The following TANK variants were observed in gnomAD, a reference collection of about 807,000 sequenced individuals.
The protein encoded by TANK is TRAF family member associated NFKB activator.
TANK carries 15 observed loss-of-function variants against 43.6 expected under a neutral mutation model. The ratio of observed to expected loss-of-function variants is 0.34; its 90% CI spans 0.23 to 0.53. The LOEUF (loss-of-function observed/expected upper bound fraction) is 0.53, where lower values mean the gene tolerates loss of function less well. Ranked by LOEUF, TANK falls within the 20% of genes least tolerant of loss-of-function variation. The pLI is 0.94. For missense variants in TANK, 417 were observed against 498.6 expected, an observed-to-expected ratio of 0.84 and a Z score of 1.56; for synonymous variants, 162 against 178.2, an observed-to-expected ratio of 0.91 and a Z score of 0.73.
intron 2 of TANK, among the ~76,000 whole-genome samples, chr2:161,200,117 A>G (rs1174643229): frequency 2.0e-5 from 3 of 152,164 alleles, no homozygotes; most frequent in Non-Finnish European, 4.4e-5. Flanking sequence ...TCTGACTCAA[A>G]GAATCATTCA....
rs565893664 is a variant in TANK at position 161,179,719 on chromosome 2, A to G, written c.57A>G (p.Ala19=). The change falls in exon 2 of 8, where the codon GCA becomes GCG. Residue 19 remains alanine (A), a synonymous_variant. Transcript: ENST00000392749. ...LNKAYEAFRQ[A]CMDRDSAVKE... ...AAGCGTATGAAGCCTTCCGGCAGGC[A>G]TGCATGGATAGAGATTCTGCAGTAA... 6.2e-7 allele frequency: 1 copy of G among 1,613,004 alleles called. No individual in the cohort carries two copies. Among genetic ancestry groups the G allele is most frequent in the Non-Finnish European group, 8.5e-7 (1 of 1,179,370 alleles).
At chr2:161,182,966 G>A (rs566178775) in intron 2 of TANK, among the ~76,000 whole-genome samples, 127 of 152,194 alleles carry the variant, frequency 8.3e-4, no homozygotes, top group African/African-American at 3.0e-3. Flanking sequence ...TGCTTCCAAG[G>A]CCTGAAGCAC....
At chr2:161,189,851 C>A (rs1685833571) in intron 2 of TANK, among the ~76,000 whole-genome samples, 2 of 152,002 alleles carry the variant, frequency 1.3e-5, no homozygotes, top group South Asian at 4.1e-4. Flanking sequence ...GATCAAAGAC[C>A]AAATGCAAGA....
At chr2:161,203,032 C>T (rs934669835) in intron 2 of TANK, 1 of 270,838 alleles carries the variant, frequency 3.7e-6, no homozygotes, top group African/African-American at 2.3e-5. Context: ...ATCAACACTT[C>T]CTTAGTGTTT....
chr2:161,203,651 T>C (rs1686518528), intron 3 of TANK, 56 bp downstream of exon 3: 15 of 1,151,442 alleles, frequency 1.3e-5, no homozygotes, highest in Non-Finnish European at 1.8e-5. Flanking sequence ...AAAAGAAAGG[T>C]GTAAGTTGAG....
chr2:161,147,247 A>C (rs1683938816), intron 1 of TANK, among the ~76,000 whole-genome samples: 1 of 152,114 alleles, frequency 6.6e-6, no homozygotes, highest in African/African-American at 2.4e-5. Context: ...CTGGGAACTT[A>C]GTGTGTTAGG....
chr2:161,142,207 T>C (rs1377604173), intron 1 of TANK, among the ~76,000 whole-genome samples: 1 of 152,212 alleles, frequency 6.6e-6, no homozygotes, highest in African/African-American at 2.4e-5. Context: ...TTAAGTTCCT[T>C]GTAGATTCTG....
intron 6 of TANK, among the ~76,000 whole-genome samples, chr2:161,229,493 T>G (rs941268731): frequency 2.0e-5 from 3 of 152,174 alleles, no homozygotes; most frequent in African/African-American, 7.2e-5. Context: ...GGAAGCAGTT[T>G]AAAGGCTGTT....
In TANK at chr2:161,218,957, G is replaced by T. The variant is rs188121035; in HGVS notation, c.328-4958G>T. On this transcript the variant is annotated intron_variant, in intron 4 of 7. Transcript: ENST00000392749. Reference sequence around the variant, plus strand: ...AGTTCATTTTAAATGTAGTGTTTGGGGAAAGAGTGAAAGGAGTGTGAGAAA... The same window carrying T: ...AGTTCATTTTAAATGTAGTGTTTGGTGAAAGAGTGAAAGGAGTGTGAGAAA... Among the ~76,000 whole-genome samples, 171 of 152,160 alleles carry T rather than the reference G, an allele frequency of 1.1e-3. 1 individual carries two copies. The highest frequency in any genetic ancestry group is 4.0e-3 in the African/African-American group (165 of 41,500).
upstream of TANK, among the ~76,000 whole-genome samples, chr2:161,158,069 G>A (rs916359707): frequency 6.6e-5 from 10 of 151,518 alleles, no homozygotes; most frequent in South Asian, 1.9e-3. Context: ...AAATAGAGAC[G>A]TGGTCTCACT....
chr2:161,162,451 TAATA>T (rs777780753), intron 1 of TANK: 2 of 152,098 alleles, frequency 1.3e-5, no homozygotes, highest in Non-Finnish European at 2.9e-5. Context: ...TTATTAATTT[TAATA>T]AATTGTTTCA....
intron 1 of TANK, among the ~76,000 whole-genome samples, chr2:161,142,845 T>G (rs1384139720): frequency 1.3e-5 from 2 of 152,306 alleles, no homozygotes; most frequent in Non-Finnish European, 2.9e-5. Context: ...GTAGTTTTTT[T>G]TCTAATTCTG....
intron 1 of TANK, among the ~76,000 whole-genome samples, chr2:161,153,411 G>A (rs1684131961): frequency 6.6e-6 from 1 of 152,080 alleles, no homozygotes; most frequent in African/African-American, 2.4e-5. Context: ...CAGGCTGGGT[G>A]TGATCCCTAT....
At chr2:161,144,655 G>T (rs938408931) in intron 1 of TANK, among the ~76,000 whole-genome samples, 7 of 152,140 alleles carry the variant, frequency 4.6e-5, no homozygotes, top group Admixed American at 6.6e-5. Flanking sequence ...ATTGCACTCT[G>T]GTCTGAGAGA....
chr2:161,139,701 T>TAA, intron 1 of TANK: 1 of 985,422 alleles, frequency 1.0e-6, no homozygotes, highest in South Asian at 4.7e-5. Context: ...CTCTTCTCTA[T>TAA]TATTTTGGCT....
intron 1 of TANK, among the ~76,000 whole-genome samples, chr2:161,144,644 GATT>G (rs1683852297): frequency 1.3e-5 from 2 of 152,154 alleles, no homozygotes; most frequent in Non-Finnish European, 2.9e-5. Context: ...TTTCTAATTT[GATT>G]GCACTCTGGT....
At chr2:161,164,097 C>T (rs1255988415) in intron 1 of TANK, among the ~76,000 whole-genome samples, 2 of 152,132 alleles carry the variant, frequency 1.3e-5, no homozygotes, top group Admixed American at 6.5e-5. Context: ...TTATGGGCTA[C>T]TATAGCAAAA....
chr2:161,145,976 G>A (rs890952587), intron 1 of TANK, among the ~76,000 whole-genome samples: 2 of 152,100 alleles, frequency 1.3e-5, no homozygotes, highest in Non-Finnish European at 2.9e-5. Flanking sequence ...TCGTAGGTTA[G>A]GTCTTTTTAC....
chr2:161,228,510 G>T (rs775864409), intron 6 of TANK, among the ~76,000 whole-genome samples: 3 of 152,202 alleles, frequency 2.0e-5, no homozygotes, highest in Non-Finnish European at 4.4e-5. Context: ...TATCCAGCCT[G>T]GGCAACAAGA....
Sources: gnomAD v4.1 joint callset for allele counts (sites outside exome capture counted in the v4.1 genomes callset) on GRCh38, gnomAD v4.1.1 for gene constraint, MANE v1.5 for transcripts, NCBI Gene and HGNC (gene_info 2026-07-23, HGNC 2026-07-21) for gene names.